Variants in ARHGAP35 observed in about 807,000 individuals in gnomAD.
The protein encoded by ARHGAP35 is Rho GTPase activating protein 35.
Under a neutral mutation model 111.1 loss-of-function variants are expected in ARHGAP35, and 15 were observed. The ratio of observed to expected loss-of-function variants is 0.13; its 90% confidence interval spans 0.09 to 0.21. ARHGAP35 has a LOEUF of 0.21. Among genes scored for constraint, ARHGAP35 ranks in the 10% least tolerant of loss-of-function variants. The pLI is 1.00. For synonymous variants in ARHGAP35, 643 were observed against 710.3 expected (o/e 0.91, Z 1.51); for missense variants, 1,262 against 1,873.0 (o/e 0.67, Z 6.02).
Position 46,993,894 on chromosome 19 carries a change from C to T in ARHGAP35, c.4036+4219C>T, listed in dbSNP as rs1273472708. Among the ~76,000 whole-genome samples, 1 of 152,164 alleles carries T rather than the reference C, an allele frequency of 6.6e-6. No individual in the cohort carries two copies. Among genetic ancestry groups the T allele is most frequent in the Non-Finnish European group, 1.5e-5 (1 of 68,034 alleles). Reference sequence around the variant, plus strand: ...CCCACGCCCCTGGACTCCTGTCTACCCCTGACCACACACTGGAGCAGGATG... The same window carrying T: ...CCCACGCCCCTGGACTCCTGTCTACTCCTGACCACACACTGGAGCAGGATG... On this transcript the variant is annotated intron_variant, in intron 5 of 6. Transcript: ENST00000672722. This position sits in a 1 kb window ranked among gnomAD's most constrained non-coding sequence, Gnocchi z 4.6.
At chr19:46,900,893 GC>G (rs942490425) in intron 1 of ARHGAP35, among the ~76,000 whole-genome samples, 1 of 152,176 alleles carries the variant, frequency 6.6e-6, no homozygotes, top group African/African-American at 2.4e-5. Flanking sequence ...CACGCCTCCT[GC>G]TCAGTGGGAC....
chr19:46,873,021 A>G (rs1455120471), intron 1 of ARHGAP35, among the ~76,000 whole-genome samples: 1 of 152,094 alleles, frequency 6.6e-6, no homozygotes, highest in Non-Finnish European at 1.5e-5. Context: ...CTTACCTTCT[A>G]GGTGGGAAAC....
At chr19:46,874,969 A>G (rs1419390309) in intron 1 of ARHGAP35, among the ~76,000 whole-genome samples, 1 of 140,524 alleles carries the variant, frequency 7.1e-6, no homozygotes, top group Non-Finnish European at 1.5e-5. Flanking sequence ...CCACCACCAC[A>G]CCCGGCTAAT....
chr19:46,918,534 A>G lies in ARHGAP35; in HGVS notation c.-142A>G. The G allele has an allele frequency of 1.4e-6, 1 of 733,282 alleles. No homozygotes were observed. Among genetic ancestry groups the G allele is most frequent in the Non-Finnish European group, 2.3e-6 (1 of 439,348 alleles). The allele number at this position is 733,282 out of a possible 1,614,324, so 45.4% of individuals were successfully genotyped here. On this transcript the variant is annotated 5_prime_UTR_variant, in exon 2 of 7. Coordinates refer to ENST00000672722, the MANE Select transcript of ARHGAP35 (RefSeq NM_004491.5). The surrounding 1 kb of genome is among the most constrained non-coding windows in gnomAD (Gnocchi z 5.4). ...CGATGAGAGGTGGTGAACAGTGACC[A>G]TACTGGTATACAACACTATGGGACC...
intron 3 of ARHGAP35, among the ~76,000 whole-genome samples, chr19:46,974,166 AT>A (rs1271541904): frequency 6.6e-6 from 1 of 152,152 alleles, no homozygotes; most frequent in African/African-American, 2.4e-5. Context: ...AGCTAAGTGT[AT>A]CTTTTCTAAC....
intron 1 of ARHGAP35, among the ~76,000 whole-genome samples, chr19:46,879,005 A>G (rs1409064039): frequency 6.6e-6 from 1 of 152,208 alleles, no homozygotes; most frequent in Admixed American, 6.6e-5. Flanking sequence ...GCTGTTTGAT[A>G]GCATTTTATC....
rs753152899 is a variant in ARHGAP35, at chr19:46,920,652, C to T, written c.1977C>T (p.His659=). Residue 659 remains histidine, a synonymous_variant, in exon 2 of 7, where the codon CAC becomes CAT. Transcript: ENST00000672722. The surrounding 1 kb of genome is among the most constrained non-coding windows in gnomAD (Gnocchi z 7.0). ...TCCAGACGCCAACATTTCAGCCCCA[C>T]GGCTGTCTCTGCCTTTACAATTCAA... The part of the protein sequence containing the change: ...NSFQTPTFQP[H]GCLCLYNSKE... 2.3e-5 allele frequency: 37 copies of T among 1,613,842 alleles called. No homozygotes were observed. In the Admixed American group the frequency reaches 4.3e-4, roughly 19 times the overall value.
intron 2 of ARHGAP35, among the ~76,000 whole-genome samples, chr19:46,923,879 A>T (rs548373349): frequency 6.6e-6 from 1 of 151,580 alleles, no homozygotes; most frequent in Non-Finnish European, 1.5e-5. Flanking sequence ...CAAGTTCACG[A>T]CACTGTATTC....
chr19:46,996,461 A>C (rs1230884905), intron 5 of ARHGAP35, among the ~76,000 whole-genome samples: 1 of 136,414 alleles, frequency 7.3e-6, no homozygotes, highest in Non-Finnish European at 1.6e-5. Flanking sequence ...CCACCCCCTG[A>C]AGAAGAAACA....
intron 1 of ARHGAP35, among the ~76,000 whole-genome samples, chr19:46,875,991 C>G (rs1489166514): frequency 6.6e-6 from 1 of 152,136 alleles, no homozygotes. Flanking sequence ...TTTTTCTCAT[C>G]ATGACACATG....
chr19:46,923,105 T>TC (rs1238598531), intron 2 of ARHGAP35, among the ~76,000 whole-genome samples: 2 of 147,226 alleles, frequency 1.4e-5, no homozygotes, highest in Non-Finnish European at 3.0e-5. Context: ...GAAGTCTCTT[T>TC]TTTTTTTTTT....
At chr19:46,955,429 T>C (rs2056434076) in intron 3 of ARHGAP35, among the ~76,000 whole-genome samples, 1 of 152,186 alleles carries the variant, frequency 6.6e-6, no homozygotes, top group Admixed American at 6.5e-5. Context: ...AGACAGAGCC[T>C]GAGAGGAGTC....
At chr19:46,975,187 G>A (rs960884923) in intron 3 of ARHGAP35, among the ~76,000 whole-genome samples, 3 of 152,280 alleles carry the variant, frequency 2.0e-5, no homozygotes, top group Middle Eastern at 6.8e-3. Flanking sequence ...GCTTGTTAAT[G>A]AGTAACAAAA....
chr19:46,956,093 A>G (rs1025523152), intron 3 of ARHGAP35, among the ~76,000 whole-genome samples: 1 of 152,190 alleles, frequency 6.6e-6, no homozygotes, highest in Non-Finnish European at 1.5e-5. Flanking sequence ...CAGTGCGGGC[A>G]GATCACTTGA....
At chr19:46,865,325 C>T (rs1207299988) in intron 1 of ARHGAP35, among the ~76,000 whole-genome samples, 3 of 152,170 alleles carry the variant, frequency 2.0e-5, no homozygotes, top group Non-Finnish European at 4.4e-5. Context: ...ATCAAAGTTC[C>T]TCATTTAAGT....
intron 1 of ARHGAP35, among the ~76,000 whole-genome samples, chr19:46,883,343 G>A (rs574109928): frequency 2.0e-5 from 3 of 151,566 alleles, no homozygotes; most frequent in South Asian, 2.1e-4. Context: ...CAGGTGATCC[G>A]CCCGCCTTCA....
chr19:46,995,433 G>T (rs528157490), intron 5 of ARHGAP35, among the ~76,000 whole-genome samples: 12 of 152,344 alleles, frequency 7.9e-5, no homozygotes, highest in African/African-American at 2.9e-4. Context: ...AGCTGGTGAA[G>T]CCAGCACCCT....
chr19:46,987,132 G>A (rs924659038), intron 3 of ARHGAP35, among the ~76,000 whole-genome samples: 3 of 151,872 alleles, frequency 2.0e-5, no homozygotes, highest in South Asian at 2.1e-4. Flanking sequence ...GGGATTACAG[G>A]CGTGAGCCAC....
chr19:46,882,617 G>A (rs2055968420), intron 1 of ARHGAP35, among the ~76,000 whole-genome samples: 1 of 152,140 alleles, frequency 6.6e-6, no homozygotes, highest in African/African-American at 2.4e-5. Context: ...AGCCCCACAT[G>A]CATTAGGTAT....
Sources: allele counts gnomAD v4.1 joint callset (sites outside exome capture counted in the v4.1 genomes callset), GRCh38; gene constraint gnomAD v4.1.1; non-coding constraint Gnocchi (gnomAD v3.1); transcripts MANE v1.5; gene names NCBI Gene and HGNC (gene_info 2026-07-23, HGNC 2026-07-21).